Variants in LUC7L2 observed in about 807,000 individuals in gnomAD.
LUC7L2 encodes the protein putative RNA-binding protein Luc7-like 2.
LUC7L2 carries 25 observed loss-of-function variants against 52.8 expected under a neutral mutation model. The observed-to-expected ratio is 0.47, with a 90% CI of 0.34 to 0.66. LUC7L2 has a LOEUF of 0.66. Among genes scored for constraint, LUC7L2 ranks in the 30% least tolerant of loss-of-function variants. The pLI is 0.01. For missense variants in LUC7L2, 328 were observed against 497.8 expected (o/e 0.66, Z 3.25); for synonymous variants, 144 against 160.9 (o/e 0.89, Z 0.80).
At chr7:139,344,695 CT>C (rs1026301999) in intron 1 of LUC7L2, among the ~76,000 whole-genome samples, 35 of 116,362 alleles carry the variant, frequency 3.0e-4, no homozygotes, top group East Asian at 1.0e-3. Context: ...AATTTTCTTT[CT>C]TTTTTTTTTT....
At chr7:139,385,916 G>A (rs182335926) in intron 2 of LUC7L2, among the ~76,000 whole-genome samples, 2 of 152,208 alleles carry the variant, frequency 1.3e-5, no homozygotes, top group East Asian at 3.9e-4. Flanking sequence ...GCAACTATTT[G>A]TTGAAAAAGG....
intron 1 of LUC7L2, among the ~76,000 whole-genome samples, chr7:139,353,855 C>T (rs1799530105): frequency 1.3e-5 from 2 of 152,042 alleles, no homozygotes; most frequent in South Asian, 4.1e-4. Context: ...TGGCTCACGC[C>T]TGTAATCCCA....
At chr7:139,358,770 C>T (rs1799705370), upstream of LUC7L2, among the ~76,000 whole-genome samples, 1 of 152,148 alleles carries the variant, frequency 6.6e-6, no homozygotes, top group Non-Finnish European at 1.5e-5. Context: ...CTGCAACCTC[C>T]GTCTCCCGGG....
chr7:139,376,117 C>T lies in LUC7L2; in HGVS notation c.117C>T (p.His39=), dbSNP rs1352647443. The T allele has an allele frequency of 1.2e-6, 2 of 1,613,726 alleles. No individual in the cohort carries two copies. Among genetic ancestry groups the T allele is most frequent in the Admixed American group, 3.3e-5 (2 of 60,008 alleles). ...KFSDDRVCKS[H]LLNCCPHDVL... ...GTGATGACAGAGTATGCAAGAGTCA[C>T]CTTCTCAACTGTTGTCCTCATGATG... Residue 39 remains histidine (H), a synonymous_variant, in exon 2 of 10, where the codon CAC becomes CAT. Transcript: ENST00000354926.
intron 1 of LUC7L2, among the ~76,000 whole-genome samples, chr7:139,361,071 C>T (rs1469398772): frequency 1.3e-5 from 2 of 152,208 alleles, no homozygotes; most frequent in Non-Finnish European, 2.9e-5. Flanking sequence ...AACAAAGATC[C>T]TTTCAGGCGT....
At chr7:139,380,026 A>G (rs1268741099) in intron 2 of LUC7L2, among the ~76,000 whole-genome samples, 3 of 151,734 alleles carry the variant, frequency 2.0e-5, no homozygotes, top group African/African-American at 4.8e-5. Context: ...GAAAATACAA[A>G]AAATTAGCCG....
At chr7:139,375,999 G>T (rs756627352) in intron 1 of LUC7L2, 63 bp from the exon 2 acceptor site, 111 of 1,551,002 alleles carry the variant, frequency 7.2e-5, no homozygotes, top group Middle Eastern at 1.8e-4. Flanking sequence ...GTAATAGTAG[G>T]GCTCTCAGAA....
rs536191658 is a variant in LUC7L2, at chr7:139,420,495, G to A, written c.1002-1668G>A. ...TGGGATTACAGGCATGAGCCACCAC[G>A]TCCCACCTTGGCTAAGTAATTTATA... On this transcript the variant is annotated intron_variant, in intron 9 of 9. Transcript: ENST00000354926. Among the ~76,000 whole-genome samples, 15 of 152,194 alleles carry A rather than the reference G, an allele frequency of 9.9e-5. No individual in the cohort carries two copies. In the South Asian group the frequency reaches 1.0e-3, roughly 11 times the overall value.
At chr7:139,366,121 G>A (rs1488214541) in intron 1 of LUC7L2, among the ~76,000 whole-genome samples, 1 of 152,174 alleles carries the variant, frequency 6.6e-6, no homozygotes, top group Non-Finnish European at 1.5e-5. Context: ...AGTCCATTCA[G>A]CTGAATAAAT....
intron 1 of LUC7L2, among the ~76,000 whole-genome samples, chr7:139,342,745 A>G (rs1436997236): frequency 1.3e-5 from 2 of 152,236 alleles, no homozygotes; most frequent in African/African-American, 4.8e-5. Flanking sequence ...TACAGGCGTG[A>G]ACTATCAAAC....
chr7:139,345,593 G>A, intron 1 of LUC7L2: 2 of 1,614,070 alleles, frequency 1.2e-6, no homozygotes, highest in Non-Finnish European at 1.7e-6. Flanking sequence ...GGAAACATGT[G>A]GCCCTACATC....
chr7:139,404,976 A>G (rs1367975866), intron 4 of LUC7L2, among the ~76,000 whole-genome samples: 1 of 152,242 alleles, frequency 6.6e-6, no homozygotes, highest in African/African-American at 2.4e-5. Context: ...ATTTGAGCCT[A>G]GGCTATTTGC....
At chr7:139,409,529 G>A in intron 6 of LUC7L2, 34 bp from the exon 7 acceptor site, 1 of 1,578,236 alleles carries the variant, frequency 6.3e-7, no homozygotes. Context: ...AATGGACTCA[G>A]TAAATATTCT....
chr7:139,378,720 G>A (rs1735305396), intron 2 of LUC7L2, among the ~76,000 whole-genome samples: 1 of 152,212 alleles, frequency 6.6e-6, no homozygotes, highest in Admixed American at 6.5e-5. Flanking sequence ...TTTAGGGATT[G>A]ACTGCTAAGA....
intron 2 of LUC7L2, among the ~76,000 whole-genome samples, chr7:139,394,230 A>G (rs1794567893): frequency 1.3e-5 from 2 of 152,264 alleles, no homozygotes; most frequent in African/African-American, 4.8e-5. Flanking sequence ...CCCTGTGCCA[A>G]ATGTTCTTCT....
intron 2 of LUC7L2, among the ~76,000 whole-genome samples, chr7:139,380,603 AAAT>A (rs1459699072): frequency 3.3e-5 from 5 of 152,336 alleles, no homozygotes; most frequent in East Asian, 3.9e-4. Flanking sequence ...CCGTTTAAAA[AAAT>A]AATAATAAAA....
chr7:139,418,335 G>A (rs1003129785), intron 9 of LUC7L2, among the ~76,000 whole-genome samples: 2 of 152,166 alleles, frequency 1.3e-5, no homozygotes, highest in African/African-American at 4.8e-5. Context: ...GATAGACAAA[G>A]GATTATAATG....
At chr7:139,377,957 A>G (rs1251410051) in intron 2 of LUC7L2, among the ~76,000 whole-genome samples, 1 of 150,912 alleles carries the variant, frequency 6.6e-6, no homozygotes, top group Admixed American at 6.6e-5. Flanking sequence ...AGGTGGAGCT[A>G]CAGGCACACA....
intron 3 of LUC7L2, among the ~76,000 whole-genome samples, chr7:139,400,739 A>C (rs1441220677): frequency 3.9e-5 from 6 of 152,138 alleles, no homozygotes; most frequent in Non-Finnish European, 8.8e-5. Flanking sequence ...TTTGCTGATT[A>C]GTCCATCTTT....
Sources: allele counts gnomAD v4.1 joint callset (sites outside exome capture counted in the v4.1 genomes callset), GRCh38; gene constraint gnomAD v4.1.1; transcripts MANE v1.5; gene names NCBI Gene and HGNC (gene_info 2026-07-23, HGNC 2026-07-21).